DACH2: variants seen among roughly 807,000 people sequenced by gnomAD.
DACH2 encodes dachshund family transcription factor 2.
A neutral mutation model predicts 35.8 loss-of-function variants in DACH2; 17 were observed. The observed-to-expected ratio is 0.48, with a 90% confidence interval of 0.33 to 0.71. The LOEUF (loss-of-function observed/expected upper bound fraction) is 0.71, where lower values mean the gene tolerates loss of function less well. DACH2 is among the 30% of genes least tolerant of loss of function. DACH2 has a pLI of 0.02. For synonymous variants in DACH2, 195 were observed against 177.3 expected, an observed-to-expected ratio of 1.10 and a Z score of -0.79; for missense variants, 469 against 472.7, an observed-to-expected ratio of 0.99 and a Z score of 0.07.
chrX:86,606,375 G>A (rs2039858229), intron 3 of DACH2, among the ~76,000 whole-genome samples: 1 of 107,414 alleles, frequency 9.3e-6, no homozygotes, highest in African/African-American at 3.4e-5. Context: ...ATAGTTTTTG[G>A]TATGCTGTGT....
chrX:86,545,540 A>G (rs180681234), intron 3 of DACH2, among the ~76,000 whole-genome samples: 1 of 111,965 alleles, frequency 8.9e-6, no homozygotes, highest in East Asian at 2.8e-4. Flanking sequence ...CCTGAACTGA[A>G]AGTAAGAGTT....
At chrX:86,248,494 T>C (rs891720294) in intron 1 of DACH2, among the ~76,000 whole-genome samples, 1 of 111,136 alleles carries the variant, frequency 9.0e-6, no homozygotes. Flanking sequence ...TGAGGAAGGT[T>C]AAATATCTCT....
At chrX:86,656,002 C>T (rs1221206369) in intron 4 of DACH2, among the ~76,000 whole-genome samples, 1 of 105,455 alleles carries the variant, frequency 9.5e-6, no homozygotes, top group East Asian at 3.0e-4. Context: ...AGACTTTGTC[C>T]AGTGCGAAGA....
intron 2 of DACH2, among the ~76,000 whole-genome samples, chrX:86,456,988 T>C (rs1166942854): frequency 8.9e-6 from 1 of 112,024 alleles, no homozygotes; most frequent in Non-Finnish European, 1.9e-5. Flanking sequence ...GTATGTCTGA[T>C]GTTTCTCTTT....
chrX:86,342,758 C>T (rs1196896158), intron 1 of DACH2, among the ~76,000 whole-genome samples: 3 of 109,825 alleles, frequency 2.7e-5, no homozygotes, highest in African/African-American at 1.0e-4. Context: ...CACCCCACTG[C>T]ACTCCAGCCT....
Position 86,186,774 on chromosome X carries a change from C to T in DACH2, c.488+37666C>T, listed in dbSNP as rs893698146. Among the ~76,000 whole-genome samples, 3 of 111,361 alleles carry T rather than the reference C, an allele frequency of 2.7e-5. No homozygotes were observed. In the Admixed American group the frequency reaches 2.9e-4, roughly 11 times the overall value. ...GAATCCATACAAGCTGGGGTCCAGA[C>T]CCCAGACAAAGGTATACAATATGTC... On this transcript the variant is annotated intron_variant, in intron 1 of 11. Coordinates refer to ENST00000373125, the MANE Select transcript of DACH2 (RefSeq NM_053281.3).
chrX:86,681,609 C>CTCTA (rs775015430), intron 4 of DACH2, among the ~76,000 whole-genome samples: 4 of 98,869 alleles, frequency 4.0e-5, no homozygotes, highest in African/African-American at 1.2e-4. Context: ...CTCTCTCTCT[C>CTCTA]TATATATATA....
chrX:86,782,023 G>A (rs1045000741), intron 7 of DACH2, among the ~76,000 whole-genome samples: 3 of 111,798 alleles, frequency 2.7e-5, no homozygotes, highest in South Asian at 3.7e-4. Flanking sequence ...AAGCAGTAGC[G>A]TTTCTATAGG....
chrX:86,301,598 C>A (rs1451487508), intron 1 of DACH2, among the ~76,000 whole-genome samples: 1 of 111,598 alleles, frequency 9.0e-6, no homozygotes, highest in Non-Finnish European at 1.9e-5. Flanking sequence ...ACTACCTCCC[C>A]TGAGGTCAGA....
chrX:86,460,836 A>C, intron 2 of DACH2, among the ~76,000 whole-genome samples: 1 of 110,830 alleles, frequency 9.0e-6, no homozygotes, highest in Middle Eastern at 4.7e-3. Flanking sequence ...AGAAATTCAT[A>C]TGTAAAATTA....
chrX:86,284,075 T>C (rs763559510), intron 1 of DACH2, among the ~76,000 whole-genome samples: 2 of 111,503 alleles, frequency 1.8e-5, no homozygotes, highest in South Asian at 7.6e-4. Flanking sequence ...CCTTTCTAAT[T>C]TGGATGCCCT....
chrX:86,428,266 ATAG>A (rs1214100298), intron 2 of DACH2, among the ~76,000 whole-genome samples: 1 of 112,049 alleles, frequency 8.9e-6, no homozygotes. Flanking sequence ...TTAAGATTAA[ATAG>A]TAGCCTTTGA....
At position 86,524,641 on chromosome X, in the gene DACH2, A is replaced by G. The variant is rs890922377; in HGVS notation, c.640+10250A>G. ...GCTGAATCTCAGTTTCCCAAACACA[A>G]ATTTTTGTTTTAAGATGTCTGTCAG... On this transcript the variant is annotated intron_variant, in intron 3 of 11. Transcript: ENST00000373125. 1.1e-4 allele frequency among the ~76,000 whole-genome samples: 12 copies of G among 111,882 alleles called. 1 individual carries two copies. The highest frequency in any genetic ancestry group is 2.1e-4 in the Non-Finnish European group (11 of 53,117).
At chrX:86,583,955 G>T (rs2039535995) in intron 3 of DACH2, among the ~76,000 whole-genome samples, 1 of 110,852 alleles carries the variant, frequency 9.0e-6, no homozygotes, top group Non-Finnish European at 1.9e-5. Flanking sequence ...GAAATTGGAA[G>T]TGTTCTCTTC....
chrX:86,700,728 G>A (rs1349464602), intron 5 of DACH2, among the ~76,000 whole-genome samples: 1 of 110,622 alleles, frequency 9.0e-6, no homozygotes, highest in East Asian at 2.8e-4. Flanking sequence ...ATACCTCTGT[G>A]CACACAAACT....
At chrX:86,397,175 G>T (rs867165562) in intron 2 of DACH2, among the ~76,000 whole-genome samples, 1 of 110,783 alleles carries the variant, frequency 9.0e-6, no homozygotes, top group Non-Finnish European at 1.9e-5. Flanking sequence ...GTTCACTCAT[G>T]ATTTGGCTCT....
At chrX:86,464,692 A>T (rs1221649288) in intron 2 of DACH2, among the ~76,000 whole-genome samples, 1 of 111,713 alleles carries the variant, frequency 9.0e-6, no homozygotes, top group Non-Finnish European at 1.9e-5. Context: ...AAAATAAAAA[A>T]AAATAAAAAA....
intron 1 of DACH2, among the ~76,000 whole-genome samples, chrX:86,293,703 G>A (rs1166742833): frequency 2.7e-5 from 3 of 111,083 alleles, no homozygotes; most frequent in Non-Finnish European, 5.7e-5. Context: ...GGCTGGATAT[G>A]AAATTCTGGC....
intron 3 of DACH2, among the ~76,000 whole-genome samples, chrX:86,605,744 G>A (rs1357045811): frequency 9.2e-6 from 1 of 108,937 alleles, no homozygotes; most frequent in Non-Finnish European, 1.9e-5. Flanking sequence ...GTTCTTGGAT[G>A]CTTTTTTTTT....
Sources: allele counts gnomAD v4.1 joint callset (sites outside exome capture counted in the v4.1 genomes callset), GRCh38; gene constraint gnomAD v4.1.1; transcripts MANE v1.5; gene names NCBI Gene and HGNC (gene_info 2026-07-23, HGNC 2026-07-21).